The following NEDD4 variants were observed in gnomAD, a reference collection of about 807,000 sequenced individuals.
NEDD4 encodes NEDD4 E3 ubiquitin protein ligase.
NEDD4 carries 99 observed loss-of-function variants against 144.9 expected under a neutral mutation model. The ratio of observed to expected loss-of-function variants is 0.68; its 90% confidence interval spans 0.58 to 0.81. The LOEUF (loss-of-function observed/expected upper bound fraction) is 0.81, where lower values mean the gene tolerates loss of function less well. NEDD4 is among the 30% of genes least tolerant of loss of function. The pLI, the probability that NEDD4 is intolerant of heterozygous loss-of-function variation, is 0.00. For missense variants in NEDD4, 985 were observed against 1,065.9 expected, an observed-to-expected ratio of 0.92 and a Z score of 1.06; for synonymous variants, 318 against 350.6, an observed-to-expected ratio of 0.91 and a Z score of 1.04.
chr15:55,879,533 G>C (rs2035109517), intron 5 of NEDD4, among the ~76,000 whole-genome samples: 1 of 152,166 alleles, frequency 6.6e-6, no homozygotes, highest in African/African-American at 2.4e-5. Flanking sequence ...TACATTATGG[G>C]CAGTTATGGA....
chr15:55,985,760 TAC>T (rs3049246), intron 1 of NEDD4, among the ~76,000 whole-genome samples: 29,765 of 147,946 alleles, frequency 0.2, 3,015 homozygotes, highest in Non-Finnish European at 0.25. Context: ...AGAGTACACA[TAC>T]ACACACACAC....
rs1322488028 is a variant in NEDD4 at position 55,860,490 on chromosome 15, C to A, written c.877G>T (p.Val293Phe). 1 of 1,614,028 alleles carries A rather than the reference C, an allele frequency of 6.2e-7. No individual in the cohort carries two copies. Among genetic ancestry groups the A allele is most frequent in the African/African-American group, 1.3e-5 (1 of 74,910 alleles). ...PSPPPSSNLDVPTHLAEELNA... is the reference protein window; with the variant it reads ...PSPPPSSNLDFPTHLAEELNA... Reference sequence around the variant, plus strand: ...AATTCTTCTGCAAGATGAGTTGGAACATCCAAGTTACTTGACGGTGGAGGT... The same window carrying A: ...AATTCTTCTGCAAGATGAGTTGGAAAATCCAAGTTACTTGACGGTGGAGGT... Residue 293 changes from valine (V) to phenylalanine (F), a missense_variant, in exon 11 of 29, where the codon GTT becomes TTT. Val to Phe is a conservative substitution (Grantham distance 50). Coordinates refer to ENST00000435532, the MANE Select transcript of NEDD4 (RefSeq NM_006154.4).
chr15:55,912,041 T>G (rs2036292146), intron 5 of NEDD4, among the ~76,000 whole-genome samples: 1 of 152,212 alleles, frequency 6.6e-6, no homozygotes, highest in Admixed American at 6.5e-5. Context: ...TGTCTGAAAT[T>G]AACAATTCCT....
intron 21 of NEDD4, 106 bp from the exon 22 acceptor site, chr15:55,838,710 CA>C: frequency 1.4e-6 from 1 of 690,188 alleles, no homozygotes; most frequent in South Asian, 1.8e-5. Context: ...GATGAGAGGT[CA>C]GATGGACATC....
chr15:55,915,674 A>G, intron 5 of NEDD4: 1 of 1,613,954 alleles, frequency 6.2e-7, no homozygotes. Flanking sequence ...AGTCTAATGT[A>G]GCTGCTTTTC....
At chr15:55,831,544 C>G (rs1488643183) in intron 27 of NEDD4, among the ~76,000 whole-genome samples, 1 of 152,056 alleles carries the variant, frequency 6.6e-6, no homozygotes, top group African/African-American at 2.4e-5. Flanking sequence ...CAGGTGAAAC[C>G]ATGAAAAAGA....
chr15:55,837,175 A>G (rs2033247138), intron 24 of NEDD4, among the ~76,000 whole-genome samples: 1 of 152,122 alleles, frequency 6.6e-6, no homozygotes, highest in Non-Finnish European at 1.5e-5. Context: ...CACACTGGTA[A>G]CCCCAGCACT....
chr15:55,933,905 G>C (rs1307424545), intron 4 of NEDD4, among the ~76,000 whole-genome samples: 2 of 152,148 alleles, frequency 1.3e-5, no homozygotes, highest in African/African-American at 4.8e-5. Flanking sequence ...TGTAATCCCA[G>C]CACTTTGGTA....
intron 4 of NEDD4, among the ~76,000 whole-genome samples, chr15:55,943,347 C>T (rs182896219): frequency 6.6e-6 from 1 of 152,170 alleles, no homozygotes; most frequent in Non-Finnish European, 1.5e-5. Context: ...ATCTTTGTGG[C>T]AGCTCCTCCT....
intron 5 of NEDD4, chr15:55,924,256 T>C (rs2036622264): frequency 5.8e-6 from 1 of 173,076 alleles, no homozygotes; most frequent in Admixed American, 5.7e-5. Context: ...CAGGTAACCC[T>C]AAGAAAGGCC....
chr15:55,840,324 T>C, intron 21 of NEDD4, 123 bp downstream of exon 21: 1 of 886,794 alleles, frequency 1.1e-6, no homozygotes, highest in Non-Finnish European at 1.7e-6. Context: ...GAGGAAAAAG[T>C]TCATTTGTAT....
chr15:55,982,880 G>C (rs1295900575), intron 1 of NEDD4, among the ~76,000 whole-genome samples: 1 of 152,102 alleles, frequency 6.6e-6, no homozygotes, highest in Non-Finnish European at 1.5e-5. Context: ...CCAGCACTTT[G>C]GGAGGCCAAG....
chr15:55,870,376 T>C (rs1414060019), intron 7 of NEDD4, among the ~76,000 whole-genome samples: 3 of 152,158 alleles, frequency 2.0e-5, no homozygotes, highest in Admixed American at 1.3e-4. Flanking sequence ...TGTCACACAT[T>C]AATTTACCTA....
At position 55,840,747 on chromosome 15, in the gene NEDD4, T is replaced by C. The variant is rs1307067175; in HGVS notation, c.1839-20A>G. ...TTGTCCCTGTAAAGACAACCCCATT[T>C]AAATACTTCATTTGAAAAACTTTAA... On this transcript the variant is annotated intron_variant, in intron 19 of 28. Transcript: ENST00000435532. 9 of 1,590,416 alleles carry C rather than the reference T, an allele frequency of 5.7e-6. No individual in the cohort carries two copies. Among genetic ancestry groups the C allele is most frequent in the Non-Finnish European group, 6.8e-6 (8 of 1,171,502 alleles).
chr15:55,905,360 T>C (rs547305191), intron 5 of NEDD4: 215 of 443,954 alleles, frequency 4.8e-4, no homozygotes, highest in African/African-American at 3.5e-3. Flanking sequence ...ACACTAACAA[T>C]TGGGGGGTTT....
chr15:55,918,023 G>A (rs1242210065), intron 5 of NEDD4, among the ~76,000 whole-genome samples: 1 of 152,060 alleles, frequency 6.6e-6, no homozygotes, highest in African/African-American at 2.4e-5. Flanking sequence ...GCTGGCCCCT[G>A]CTGGTACTTT....
chr15:55,950,521 T>A, intron 4 of NEDD4, among the ~76,000 whole-genome samples: 1 of 152,202 alleles, frequency 6.6e-6, no homozygotes, highest in East Asian at 1.9e-4. Flanking sequence ...TCAGGAATGA[T>A]CTGCCATGTC....
At chr15:55,882,301 A>C (rs186601014) in intron 5 of NEDD4, among the ~76,000 whole-genome samples, 2 of 152,296 alleles carry the variant, frequency 1.3e-5, no homozygotes, top group African/African-American at 4.8e-5. Context: ...TCAGTTGCTG[A>C]CACCCACCCC....
chr15:55,915,480 C>G lies in NEDD4; in HGVS notation c.291+9166G>C, dbSNP rs60811367. 1.2e-3 allele frequency: 1,962 copies of G among 1,613,646 alleles called. 15 individuals carry two copies. In the African/African-American group the frequency reaches 0.021, roughly 17 times the overall value. On this transcript the variant is annotated intron_variant, in intron 5 of 28. Transcript: ENST00000435532. ...CAATGAAATACTTCTTCGTAAAATACCATGGTTTTTGTTCATCTGTGAATG... is the reference window on the plus strand; with the variant it reads ...CAATGAAATACTTCTTCGTAAAATAGCATGGTTTTTGTTCATCTGTGAATG...
Sources: allele counts gnomAD v4.1 joint callset (sites outside exome capture counted in the v4.1 genomes callset), GRCh38; gene constraint gnomAD v4.1.1; transcripts MANE v1.5; gene names NCBI Gene and HGNC (gene_info 2026-07-23, HGNC 2026-07-21).